Variants in FAR1 observed in about 807,000 individuals in gnomAD.
The protein encoded by FAR1 is male sterility domain-containing protein 2.
In FAR1, 22 loss-of-function variants were observed where a neutral mutation model predicts 61.1. That is an observed-to-expected ratio of 0.36 (90% CI 0.26 to 0.51). The LOEUF is 0.51. FAR1 is among the 20% of genes least tolerant of loss of function. FAR1 has a pLI of 0.95. For missense variants in FAR1, 359 were observed against 626.9 expected, an observed-to-expected ratio of 0.57 and a Z score of 4.56; for synonymous variants, 206 against 209.7, an observed-to-expected ratio of 0.98 and a Z score of 0.15.
At chr11:13,724,361 CAA>C (rs1848646423) in intron 10 of FAR1, among the ~76,000 whole-genome samples, 1 of 151,340 alleles carries the variant, frequency 6.6e-6, no homozygotes, top group Non-Finnish European at 1.5e-5. Context: ...GCCTGGGCAA[CAA>C]AGTGAGACCC....
chr11:13,682,394 TC>T (rs1848137288), intron 1 of FAR1, among the ~76,000 whole-genome samples: 3 of 152,190 alleles, frequency 2.0e-5, no homozygotes, highest in Non-Finnish European at 2.9e-5. Context: ...CAAACTGTCT[TC>T]CTGTTTTTTT....
rs1490242348 is a variant in FAR1 at position 13,731,877 on chromosome 11, G to T, written c.*3103G>T. ...ATATGTCTATAGAGTAAGTATAAGAGATAATTCATTAGTAATAGGAATTAA... is the reference window on the plus strand; with the variant it reads ...ATATGTCTATAGAGTAAGTATAAGATATAATTCATTAGTAATAGGAATTAA... On this transcript the variant is annotated 3_prime_UTR_variant, in exon 12 of 12. Coordinates refer to ENST00000354817, the MANE Select transcript of FAR1 (RefSeq NM_032228.6). The T allele has an allele frequency of 6.6e-6, 1 of 152,094 alleles. No homozygotes were observed. 9.4% of individuals were successfully genotyped at this position (152,094 alleles called of 1,614,324 possible). A position where few individuals can be genotyped will look rare whatever the true frequency, so the allele number is the denominator to read the frequency against.
chr11:13,677,677 G>C (rs1185480386), intron 1 of FAR1, among the ~76,000 whole-genome samples: 5 of 152,174 alleles, frequency 3.3e-5, no homozygotes, highest in Admixed American at 1.3e-4. Flanking sequence ...CCAGAGTGAG[G>C]ACCCTTAGAA....
chr11:13,713,191 T>C (rs1375941951), intron 8 of FAR1, 158 bp downstream of exon 8: 6 of 667,560 alleles, frequency 9.0e-6, no homozygotes, highest in African/African-American at 7.2e-5. Context: ...AATACTACCT[T>C]GTGGTCCTTA....
At chr11:13,726,614 G>A (rs532939422) in intron 10 of FAR1, among the ~76,000 whole-genome samples, 1 of 151,814 alleles carries the variant, frequency 6.6e-6, no homozygotes, top group African/African-American at 2.4e-5. Context: ...CTAGATGTGT[G>A]TGGGGGCAGG....
chr11:13,673,348 T>C (rs1848032034), intron 1 of FAR1, among the ~76,000 whole-genome samples: 1 of 152,206 alleles, frequency 6.6e-6, no homozygotes. Context: ...GCATAATCCT[T>C]CAACAAATTA....
chr11:13,683,569 T>C (rs2134172017), intron 1 of FAR1, among the ~76,000 whole-genome samples: 1 of 152,140 alleles, frequency 6.6e-6, no homozygotes, highest in African/African-American at 2.4e-5. Context: ...TTCATAGAGA[T>C]GGGGTCTAGC....
At chr11:13,723,425 T>TCACA in intron 10 of FAR1, 1 of 410,036 alleles carries the variant, frequency 2.4e-6, no homozygotes, top group Admixed American at 3.3e-5. Flanking sequence ...GTCTTACATT[T>TCACA]TTGCTGTTGA....
intron 9 of FAR1, 68 bp downstream of exon 9, chr11:13,714,748 A>G (rs1454609955): frequency 5.0e-6 from 7 of 1,387,070 alleles, no homozygotes; most frequent in Non-Finnish European, 6.8e-6. Flanking sequence ...TAAAATGCAT[A>G]TTAACTCTGT....
At chr11:13,703,602 T>C (rs1848400059) in intron 3 of FAR1, among the ~76,000 whole-genome samples, 1 of 152,078 alleles carries the variant, frequency 6.6e-6, no homozygotes, top group South Asian at 2.1e-4. Context: ...GGATAGAAAA[T>C]AAGGATGTAT....
At chr11:13,696,415 T>C (rs1197701725) in intron 2 of FAR1, among the ~76,000 whole-genome samples, 1 of 152,006 alleles carries the variant, frequency 6.6e-6, no homozygotes, top group Non-Finnish European at 1.5e-5. Context: ...GAACAGATAT[T>C]TAAGCTGATG....
chr11:13,715,542 AAT>A (rs1220927507), intron 9 of FAR1, among the ~76,000 whole-genome samples: 1 of 152,168 alleles, frequency 6.6e-6, no homozygotes, highest in African/African-American at 2.4e-5. Flanking sequence ...AATTACTTGA[AAT>A]ATCTCAGCTG....
At chr11:13,694,679 T>A in intron 1 of FAR1, 80 bp from the exon 2 acceptor site, 1 of 1,238,394 alleles carries the variant, frequency 8.1e-7, no homozygotes. Context: ...AAAATACTTA[T>A]TTGAATACCA....
At chr11:13,704,972 G>C (rs1219193349) in intron 3 of FAR1, among the ~76,000 whole-genome samples, 1 of 152,146 alleles carries the variant, frequency 6.6e-6, no homozygotes, top group African/African-American at 2.4e-5. Context: ...AAGGTCTTTA[G>C]AAGTATTATC....
intron 2 of FAR1, among the ~76,000 whole-genome samples, chr11:13,696,409 A>T (rs1364634638): frequency 6.6e-6 from 1 of 152,110 alleles, no homozygotes; most frequent in Non-Finnish European, 1.5e-5. Flanking sequence ...AGATAGGAAC[A>T]GATATTTAAG....
intron 1 of FAR1, among the ~76,000 whole-genome samples, chr11:13,684,713 G>A (rs143797691): frequency 2.1e-4 from 32 of 152,164 alleles, no homozygotes; most frequent in African/African-American, 7.5e-4. Context: ...TTATAAGCTG[G>A]GCCTCATTTC....
At chr11:13,714,164 C>T (rs1445603470) in intron 8 of FAR1, among the ~76,000 whole-genome samples, 1 of 151,858 alleles carries the variant, frequency 6.6e-6, no homozygotes, top group African/African-American at 2.4e-5. Flanking sequence ...TAATAAGAGT[C>T]TGGAAAGAGG....
Position 13,721,750 on chromosome 11 carries a change from G to A in FAR1, c.1148G>A (p.Arg383His), listed in dbSNP as rs1298871986. 3 of 1,609,778 alleles carry A rather than the reference G, an allele frequency of 1.9e-6. No individual in the cohort carries two copies. Among genetic ancestry groups the A allele is most frequent in the Non-Finnish European group, 2.5e-6 (3 of 1,178,282 alleles). ...RSPRMMKTITRLHKAMVFLEY... is the reference protein window; with the variant it reads ...RSPRMMKTITHLHKAMVFLEY... The stretch of plus-strand genomic sequence containing the variant: ...TACAGGATGATGAAAACAATAACTC[G>A]TCTTCACAAAGCTATGGTGTTTCTT... Residue 383 changes from arginine (R) to histidine (H), a missense_variant, in exon 10 of 12, where the codon CGT (arginine) becomes CAT (histidine). Transcript: ENST00000354817. The surrounding 1 kb of genome is among the most constrained non-coding windows in gnomAD (Gnocchi z 4.2).
chr11:13,686,667 T>C (rs771877259), intron 1 of FAR1: 2 of 152,214 alleles, frequency 1.3e-5, no homozygotes, highest in South Asian at 4.1e-4. Flanking sequence ...CTTTACACTT[T>C]TCTGATTATT....
Sources: allele counts gnomAD v4.1 joint callset (sites outside exome capture counted in the v4.1 genomes callset), GRCh38; gene constraint gnomAD v4.1.1; non-coding constraint Gnocchi (gnomAD v3.1); transcripts MANE v1.5; gene names NCBI Gene and HGNC (gene_info 2026-07-23, HGNC 2026-07-21).